DAB1: variants seen among roughly 807,000 people sequenced by gnomAD.
The protein encoded by DAB1 is DAB adaptor protein 1, also known as disabled homolog 1.
In DAB1, 15 loss-of-function variants were observed where a neutral mutation model predicts 64.6. The ratio of observed to expected loss-of-function variants is 0.23; its 90% CI spans 0.16 to 0.36. The LOEUF (loss-of-function observed/expected upper bound fraction) is 0.36. Among genes scored for constraint, DAB1 ranks in the 10% least tolerant of loss-of-function variants. The pLI is 1.00. For synonymous variants in DAB1, 235 were observed against 251.9 expected (o/e 0.93, Z 0.64); for missense variants, 596 against 706.7 (o/e 0.84, Z 1.78).
intron 5 of DAB1, among the ~76,000 whole-genome samples, chr1:58,067,008 A>G (rs1648896164): frequency 1.3e-5 from 2 of 152,136 alleles, no homozygotes; most frequent in African/African-American, 4.8e-5. Flanking sequence ...GCCTTTGCTC[A>G]TGCTGTTCTC....
At chr1:57,209,359 C>T (rs1031100376) in intron 2 of DAB1, among the ~76,000 whole-genome samples, 29 of 152,154 alleles carry the variant, frequency 1.9e-4, no homozygotes, top group Non-Finnish European at 3.2e-4. Context: ...TATGCTCTTC[C>T]GCTGCTGCAA....
chr1:57,032,729 A>G (rs1570550392), intron 9 of DAB1, among the ~76,000 whole-genome samples: 1 of 152,192 alleles, frequency 6.6e-6, no homozygotes, highest in African/African-American at 2.4e-5. Flanking sequence ...TGATGATTCC[A>G]ATTTGATGCC....
chr1:57,351,401 G>C (rs1188452031), intron 1 of DAB1, among the ~76,000 whole-genome samples: 2 of 152,092 alleles, frequency 1.3e-5, no homozygotes, highest in African/African-American at 4.8e-5. Flanking sequence ...GGCTGTATCA[G>C]GTTTTGAAAC....
chr1:58,348,800 C>T (rs1644024594), intron 3 of DAB1, among the ~76,000 whole-genome samples: 2 of 152,280 alleles, frequency 1.3e-5, no homozygotes, highest in South Asian at 4.1e-4. Flanking sequence ...TAAATGAAGT[C>T]TTTGGCATGC....
intron 7 of DAB1, among the ~76,000 whole-genome samples, chr1:57,439,947 CA>C (rs1167180649): frequency 1.3e-5 from 2 of 152,048 alleles, no homozygotes; most frequent in African/African-American, 2.4e-5. Flanking sequence ...CATGTTTCCC[CA>C]ATTCATCTTA....
At chr1:57,446,670 C>G (rs1424423623) in intron 7 of DAB1, among the ~76,000 whole-genome samples, 3 of 151,448 alleles carry the variant, frequency 2.0e-5, no homozygotes, top group Non-Finnish European at 2.9e-5. Context: ...TAGTCACATT[C>G]CCACCTGCAC....
At position 57,015,491 on chromosome 1, in the gene DAB1, A is replaced by G. The variant is rs922798483; in HGVS notation, c.896-60T>C. On this transcript the variant is annotated intron_variant, in intron 11 of 14. Transcript: ENST00000371236. ...CTGGTGTCCTGGGAAAGAAGGATGC[A>G]TGGACTCAGGTAATTGACAGAAATG... 9 of 1,459,174 alleles carry G rather than the reference A, an allele frequency of 6.2e-6. No individual in the cohort carries two copies. In the African/African-American group the frequency reaches 8.4e-5, roughly 14 times the overall value. 90.4% of individuals were successfully genotyped at this position (1,459,174 alleles called of 1,614,324 possible). A position where few individuals can be genotyped will look rare whatever the true frequency, so the allele number is the denominator to read the frequency against.
chr1:57,625,181 CCTT>C (rs1443465201), intron 7 of DAB1, among the ~76,000 whole-genome samples: 1 of 152,126 alleles, frequency 6.6e-6, no homozygotes, highest in Admixed American at 6.5e-5. Flanking sequence ...TTTCCTTTAT[CCTT>C]CTTTTCACAA....
chr1:57,535,646 G>C (rs1477843133), intron 7 of DAB1, among the ~76,000 whole-genome samples: 1 of 151,940 alleles, frequency 6.6e-6, no homozygotes. Flanking sequence ...TATTTTAGTA[G>C]AGACAGAGTT....
rs574048551 is a variant in DAB1, at chr1:57,196,989, C to A, written c.68-51560G>T. ...TGATCCACACAGCAAACCTATTAGGCAGATTGCCATCAAAATTCCCACTTT... is the reference window on the plus strand; with the variant it reads ...TGATCCACACAGCAAACCTATTAGGAAGATTGCCATCAAAATTCCCACTTT... On this transcript the variant is annotated intron_variant, in intron 2 of 14. Transcript: ENST00000371236. 1.1e-4 allele frequency among the ~76,000 whole-genome samples: 17 copies of A among 152,300 alleles called. No individual in the cohort carries two copies. In the South Asian group the frequency reaches 3.5e-3, roughly 32 times the overall value.
intron 4 of DAB1, chr1:58,150,687 T>A (rs1039389440): frequency 1.3e-5 from 2 of 151,650 alleles, no homozygotes; most frequent in African/African-American, 4.8e-5. Flanking sequence ...AAGACCATAG[T>A]TTTTTGGTTT....
At chr1:58,274,084 C>G (rs1419215425) in intron 4 of DAB1, among the ~76,000 whole-genome samples, 5 of 139,586 alleles carry the variant, frequency 3.6e-5, no homozygotes, top group African/African-American at 1.3e-4. Context: ...AGGAGAGGTG[C>G]TCTGCATTTT....
rs543757761 is a variant in DAB1, at chr1:57,719,155, A to G, written n.552-69490T>C. The stretch of plus-strand genomic sequence containing the variant: ...ATTTCCATGGCCGCTGAGTGAATCC[A>G]GTGTTGGAATTAGAAATGTACAATG... On this transcript the variant is annotated intron_variant and non_coding_transcript_variant, in intron 6 of 20. Transcript: ENST00000485760. Among the ~76,000 whole-genome samples the G allele has an allele frequency of 2.6e-5, 4 of 152,340 alleles. No homozygotes were observed. The East Asian group carries it at 7.7e-4, about 29-fold the overall frequency.
intron 1 of DAB1, among the ~76,000 whole-genome samples, chr1:57,872,106 C>T (rs1643961685): frequency 6.6e-6 from 1 of 152,070 alleles, no homozygotes; most frequent in Admixed American, 6.6e-5. Flanking sequence ...TATCAGAATG[C>T]CAGATGTAGA....
chr1:58,115,860 G>C, intron 5 of DAB1, among the ~76,000 whole-genome samples: 1 of 114,962 alleles, frequency 8.7e-6, no homozygotes, highest in East Asian at 2.6e-4. Context: ...AGGGGGGAGG[G>C]ATAGCATTGG....
chr1:58,095,104 G>C (rs190625570), intron 5 of DAB1, among the ~76,000 whole-genome samples: 2 of 152,096 alleles, frequency 1.3e-5, no homozygotes, highest in African/African-American at 4.8e-5. Context: ...CGCTGACCCC[G>C]GCTCTCGACT....
chr1:58,101,261 G>A (rs1403433813), intron 5 of DAB1, among the ~76,000 whole-genome samples: 1 of 152,216 alleles, frequency 6.6e-6, no homozygotes, highest in Non-Finnish European at 1.5e-5. Context: ...AGCTGGCAGT[G>A]AGCCGAGGTC....
chr1:57,926,632 G>C (rs1198137119), intron 5 of DAB1, among the ~76,000 whole-genome samples: 2 of 152,186 alleles, frequency 1.3e-5, no homozygotes, highest in Non-Finnish European at 2.9e-5. Flanking sequence ...TCACAGGATG[G>C]CTGTAGACTC....
intron 2 of DAB1, among the ~76,000 whole-genome samples, chr1:57,146,210 C>G (rs1659117694): frequency 6.6e-6 from 1 of 152,182 alleles, no homozygotes; most frequent in African/African-American, 2.4e-5. Flanking sequence ...AACAAGCAAA[C>G]CATTTCCATT....
Sources: gnomAD v4.1 joint callset for allele counts (sites outside exome capture counted in the v4.1 genomes callset) on GRCh38, gnomAD v4.1.1 for gene constraint, MANE v1.5 for transcripts, NCBI Gene and HGNC (gene_info 2026-07-23, HGNC 2026-07-21) for gene names.